Variants in ZDHHC20 observed in about 807,000 individuals in gnomAD.
ZDHHC20 encodes the protein zDHHC palmitoyltransferase 20.
A neutral mutation model predicts 57.8 loss-of-function variants in ZDHHC20; 43 were observed. That is an observed-to-expected ratio of 0.74 (90% CI 0.58 to 0.96). ZDHHC20 has a LOEUF of 0.96. Ranked by LOEUF, ZDHHC20 falls within the 40% of genes least tolerant of loss-of-function variation. The probability of loss-of-function intolerance (pLI) is 0.00; values close to 1 mark genes in which losing one functional copy is unlikely to be tolerated. For synonymous variants in ZDHHC20, 157 were observed against 153.0 expected, an observed-to-expected ratio of 1.03 and a Z score of -0.19; for missense variants, 391 against 441.1, an observed-to-expected ratio of 0.89 and a Z score of 1.02.
chr13:21,425,955 T>G (rs1376635354), intron 1 of ZDHHC20, among the ~76,000 whole-genome samples: 2 of 152,188 alleles, frequency 1.3e-5, no homozygotes, highest in South Asian at 4.1e-4. Flanking sequence ...GCTGCAATGT[T>G]TTCTTTAGCT....
intron 12 of ZDHHC20, among the ~76,000 whole-genome samples, chr13:21,378,385 T>C (rs1872627634): frequency 6.6e-6 from 1 of 152,182 alleles, no homozygotes; most frequent in African/African-American, 2.4e-5. Flanking sequence ...ATTAATAAGG[T>C]ACTGCCTTCT....
intron 12 of ZDHHC20, 148 bp from the exon 13 acceptor site, chr13:21,376,803 A>G (rs990150670): frequency 4.4e-6 from 2 of 456,110 alleles, no homozygotes; most frequent in African/African-American, 2.0e-5. Flanking sequence ...TTATAACAAT[A>G]AAGATTTTTG....
chr13:21,432,426 T>C (rs889097606), intron 1 of ZDHHC20, among the ~76,000 whole-genome samples: 5 of 151,796 alleles, frequency 3.3e-5, no homozygotes, highest in African/African-American at 7.3e-5. Flanking sequence ...GCCTCCTGGG[T>C]TCACACCATT....
chr13:21,402,608 A>G (rs1877852519), intron 5 of ZDHHC20, among the ~76,000 whole-genome samples, 189 bp downstream of exon 5: 1 of 152,230 alleles, frequency 6.6e-6, no homozygotes, highest in African/African-American at 2.4e-5. Context: ...ACTGTTATCA[A>G]AGATACAACT....
At chr13:21,427,145 TTC>T (rs755553423) in intron 1 of ZDHHC20, among the ~76,000 whole-genome samples, 1 of 152,206 alleles carries the variant, frequency 6.6e-6, no homozygotes, top group Non-Finnish European at 1.5e-5. Context: ...CATCTCATTT[TTC>T]TTTTTTTCTT....
At chr13:21,436,397 A>T (rs1306293415) in intron 1 of ZDHHC20, among the ~76,000 whole-genome samples, 1 of 152,246 alleles carries the variant, frequency 6.6e-6, no homozygotes. Context: ...CCCTGCATTA[A>T]GCAAGTCTAT....
In ZDHHC20 at chr13:21,395,496, C is replaced by CTTT. The variant is rs201405874; in HGVS notation, c.595-3645_595-3643dup. ...AAACCATATTTTCTTCTTTTCTTTT[C>CTTT]TTTTTTTTTTTTTTTTTGAGACAGA... On this transcript the variant is annotated intron_variant, in intron 7 of 12. Coordinates refer to ENST00000400590, the MANE Select transcript of ZDHHC20 (RefSeq NM_001330059.2). 1.4e-3 allele frequency among the ~76,000 whole-genome samples: 169 copies of CTTT among 120,486 alleles called. 1 individual carries two copies. Among genetic ancestry groups the CTTT allele is most frequent in the African/African-American group, 4.9e-3 (162 of 33,232 alleles). 79.0% of individuals were successfully genotyped at this position (120,486 alleles called of 152,430 possible).
At chr13:21,425,571 C>T (rs964884504) in intron 2 of ZDHHC20, 81 bp downstream of exon 2, 212 of 992,302 alleles carry the variant, frequency 2.1e-4, no homozygotes, top group Non-Finnish European at 2.7e-4. Context: ...AAAACACATG[C>T]ATTCATCACT....
chr13:21,389,348 G>T (rs773496648), intron 8 of ZDHHC20, among the ~76,000 whole-genome samples: 26 of 152,288 alleles, frequency 1.7e-4, no homozygotes, highest in Non-Finnish European at 3.2e-4. Flanking sequence ...TTTTCAAAGT[G>T]TGGGTTAAAA....
intron 1 of ZDHHC20, among the ~76,000 whole-genome samples, chr13:21,428,268 T>G (rs1404761523): frequency 1.3e-5 from 2 of 152,194 alleles, no homozygotes; most frequent in East Asian, 2.0e-4. Context: ...TCACCCAGGC[T>G]GGAGTAAAGT....
At chr13:21,405,349 A>AAT (rs1878295643) in intron 4 of ZDHHC20, among the ~76,000 whole-genome samples, 2 of 152,202 alleles carry the variant, frequency 1.3e-5, no homozygotes, top group African/African-American at 4.8e-5. Context: ...TTCATTTAAA[A>AAT]ATAGAGAGCT....
chr13:21,452,241 T>A (rs1416445773), intron 1 of ZDHHC20, among the ~76,000 whole-genome samples: 1 of 39,284 alleles, frequency 2.5e-5, no homozygotes, highest in Non-Finnish European at 6.9e-5. Flanking sequence ...GGGATCTTAA[T>A]GTGCGACAGA....
intron 9 of ZDHHC20, among the ~76,000 whole-genome samples, chr13:21,385,072 G>C (rs1014792408): frequency 4.6e-5 from 7 of 151,988 alleles, no homozygotes; most frequent in African/African-American, 1.7e-4. Context: ...AGGAAAAATA[G>C]ATACAATTAA....
intron 2 of ZDHHC20, among the ~76,000 whole-genome samples, chr13:21,423,427 G>A (rs113487254): frequency 1.3e-5 from 2 of 152,110 alleles, no homozygotes; most frequent in Non-Finnish European, 2.9e-5. Context: ...TGTATTCCCA[G>A]CACTTTGGGA....
chr13:21,423,705 TTATATG>T (rs2137917699), intron 2 of ZDHHC20, among the ~76,000 whole-genome samples: 1 of 150,354 alleles, frequency 6.7e-6, no homozygotes, highest in African/African-American at 2.4e-5. Flanking sequence ...AATATATATA[TTATATG>T]TATATTTTAT....
intron 7 of ZDHHC20, among the ~76,000 whole-genome samples, chr13:21,392,827 C>T (rs926618614): frequency 6.6e-5 from 10 of 152,160 alleles, no homozygotes; most frequent in Non-Finnish European, 4.4e-5. Context: ...TCCAGAGTAA[C>T]CAACATGTTT....
intron 4 of ZDHHC20, among the ~76,000 whole-genome samples, chr13:21,411,763 G>C (rs535279506): frequency 8.5e-5 from 13 of 152,308 alleles, no homozygotes; most frequent in African/African-American, 3.1e-4. Flanking sequence ...TAGAAATAGA[G>C]CTGAGTTTGT....
At chr13:21,436,428 T>C (rs763330559) in intron 1 of ZDHHC20, among the ~76,000 whole-genome samples, 1 of 152,228 alleles carries the variant, frequency 6.6e-6, no homozygotes, top group Non-Finnish European at 1.5e-5. Context: ...TTTCCAACAC[T>C]TTGTGCTCAC....
intron 1 of ZDHHC20, among the ~76,000 whole-genome samples, chr13:21,432,379 G>C (rs572757725): frequency 9.4e-4 from 142 of 151,776 alleles, no homozygotes; most frequent in Non-Finnish European, 1.7e-3. Flanking sequence ...GCCCAGGCTG[G>C]TGTGCAGTGG....
Sources: allele counts gnomAD v4.1 joint callset (sites outside exome capture counted in the v4.1 genomes callset), GRCh38; gene constraint gnomAD v4.1.1; transcripts MANE v1.5; gene names NCBI Gene and HGNC (gene_info 2026-07-23, HGNC 2026-07-21).